The following VPS13B variants were observed in gnomAD, a reference collection of about 807,000 sequenced individuals.
The protein encoded by VPS13B is vacuolar protein sorting 13 homolog B.
Under a neutral mutation model 426.4 loss-of-function variants are expected in VPS13B, and 285 were observed. That is an observed-to-expected ratio of 0.67 (90% confidence interval 0.61 to 0.74). The LOEUF (loss-of-function observed/expected upper bound fraction) is 0.74. Ranked by LOEUF, VPS13B falls within the 30% of genes least tolerant of loss-of-function variation. The pLI, the probability that VPS13B is intolerant of heterozygous loss-of-function variation, is 0.00. For missense variants in VPS13B, 4,537 were observed against 4,782.6 expected (o/e 0.95, Z 1.51); for synonymous variants, 1,676 against 1,676.4 (o/e 1.00, Z 0.01).
At chr8:99,405,597 T>A (rs1052536825) in intron 21 of VPS13B, among the ~76,000 whole-genome samples, 3 of 152,280 alleles carry the variant, frequency 2.0e-5, no homozygotes, top group Admixed American at 1.3e-4. Context: ...AATTAGATCA[T>A]GTCTCTCCCT....
intron 17 of VPS13B, among the ~76,000 whole-genome samples, chr8:99,247,599 A>C (rs1276570395): frequency 3.5e-4 from 54 of 152,232 alleles, no homozygotes; most frequent in Admixed American, 3.5e-3. Context: ...GAGAAAACAG[A>C]CACAAAGTGT....
chr8:99,192,948 A>G lies in VPS13B; in HGVS notation c.2406A>G (p.Arg802=). ...CAAATCTCACAATTCAAGCTACAAG[A>G]GCACAGACACTTCTCTTGCAAGCAA... is the stretch of plus-strand genomic sequence containing the variant. ...ELPNLTIQAT[R]AQTLLLQAIY... Residue 802 remains arginine, a synonymous_variant, in exon 17 of 62, where the codon AGA becomes AGG. Transcript: ENST00000357162. 6.2e-7 allele frequency: 1 copy of G among 1,613,726 alleles called. No homozygotes were observed. The highest frequency in any genetic ancestry group is 8.5e-7 in the Non-Finnish European group (1 of 1,179,818).
chr8:99,722,754 G>T (rs1434618416), intron 39 of VPS13B, among the ~76,000 whole-genome samples: 1 of 152,064 alleles, frequency 6.6e-6, no homozygotes, highest in Non-Finnish European at 1.5e-5. Flanking sequence ...TGATCCACCT[G>T]CCTCGGCCTC....
chr8:99,237,914 A>C (rs989115941), intron 17 of VPS13B, among the ~76,000 whole-genome samples: 1 of 151,098 alleles, frequency 6.6e-6, no homozygotes, highest in African/African-American at 2.4e-5. Context: ...TCCTTCTGAA[A>C]CTCTTAATGG....
At chr8:99,317,291 C>T (rs561101424) in intron 19 of VPS13B, among the ~76,000 whole-genome samples, 36 of 152,192 alleles carry the variant, frequency 2.4e-4, no homozygotes, top group African/African-American at 8.2e-4. Context: ...TGTGATGTTT[C>T]AATACATGTA....
intron 16 of VPS13B, among the ~76,000 whole-genome samples, chr8:99,177,967 G>T (rs1469012601): frequency 6.6e-6 from 1 of 152,026 alleles, no homozygotes; most frequent in Admixed American, 6.5e-5. Flanking sequence ...CATTATTTTT[G>T]TGAGGGAGAG....
In VPS13B at chr8:99,444,394, G is replaced by A. The variant is rs957984214; in HGVS notation, c.3445+1759G>A. Among the ~76,000 whole-genome samples the A allele has an allele frequency of 2.0e-5, 3 of 152,308 alleles. No individual in the cohort carries two copies. In the South Asian group the frequency reaches 6.2e-4, roughly 32 times the overall value. Reference sequence around the variant, plus strand: ...TTACAGGCGTGAGCCACTGCGCCTGGCCAAATTAAAGTGTTTTTAAGAACT... The same window carrying A: ...TTACAGGCGTGAGCCACTGCGCCTGACCAAATTAAAGTGTTTTTAAGAACT... On this transcript the variant is annotated intron_variant, in intron 23 of 61. Coordinates refer to ENST00000357162, the MANE Select transcript of VPS13B (RefSeq NM_152564.5).
chr8:99,557,678 T>C (rs1824660508), intron 31 of VPS13B, among the ~76,000 whole-genome samples: 2 of 152,266 alleles, frequency 1.3e-5, no homozygotes, highest in South Asian at 2.1e-4. Flanking sequence ...GACTGCTGGA[T>C]TGAATGGTAG....
At chr8:99,852,165 T>C (rs1409586910) in intron 55 of VPS13B, among the ~76,000 whole-genome samples, 3 of 152,196 alleles carry the variant, frequency 2.0e-5, no homozygotes, top group Non-Finnish European at 4.4e-5. Flanking sequence ...TGCCATTAAC[T>C]AAGATGAGAG....
At chr8:99,527,803 G>T (rs1410911052) in intron 30 of VPS13B, 1 of 151,992 alleles carries the variant, frequency 6.6e-6, no homozygotes, top group Non-Finnish European at 1.5e-5. Context: ...TATAGCTTAA[G>T]CATATTAATA....
intron 3 of VPS13B, among the ~76,000 whole-genome samples, chr8:99,065,038 C>A (rs1844407236): frequency 6.6e-6 from 1 of 152,192 alleles, no homozygotes; most frequent in Non-Finnish European, 1.5e-5. Context: ...AAATAAAATA[C>A]TTTACAGACA....
intron 17 of VPS13B, among the ~76,000 whole-genome samples, chr8:99,254,087 TAAGAG>T (rs1250428791): frequency 6.6e-6 from 1 of 152,112 alleles, no homozygotes; most frequent in Non-Finnish European, 1.5e-5. Context: ...TTAGAAAACT[TAAGAG>T]GAGACAGAAA....
intron 30 of VPS13B, among the ~76,000 whole-genome samples, chr8:99,543,162 T>C (rs1163813887): frequency 6.6e-6 from 1 of 152,016 alleles, no homozygotes; most frequent in Non-Finnish European, 1.5e-5. Context: ...ACGCCGCAGA[T>C]CTACAACTAT....
At chr8:99,315,761 C>G (rs913963067) in intron 19 of VPS13B, among the ~76,000 whole-genome samples, 6 of 152,112 alleles carry the variant, frequency 3.9e-5, no homozygotes, top group Non-Finnish European at 7.4e-5. Context: ...CTCAGCCTCC[C>G]GAGTAGCTAG....
chr8:99,185,295 G>A (rs1260289209), intron 16 of VPS13B, among the ~76,000 whole-genome samples: 1 of 152,174 alleles, frequency 6.6e-6, no homozygotes, highest in Non-Finnish European at 1.5e-5. Flanking sequence ...GTTGTTACCT[G>A]TAGAGTGTGG....
intron 3 of VPS13B, among the ~76,000 whole-genome samples, chr8:99,056,739 G>T (rs1222328754): frequency 6.6e-6 from 1 of 152,134 alleles, no homozygotes; most frequent in Non-Finnish European, 1.5e-5. Context: ...GACTCTGTGA[G>T]GGTCATCCTT....
intron 36 of VPS13B, among the ~76,000 whole-genome samples, chr8:99,707,921 G>C (rs1832554346): frequency 6.6e-6 from 1 of 152,068 alleles, no homozygotes; most frequent in Non-Finnish European, 1.5e-5. Context: ...CATTTTCTAA[G>C]GCACTGCAGT....
intron 19 of VPS13B, among the ~76,000 whole-genome samples, chr8:99,317,508 A>G (rs945093418): frequency 9.9e-5 from 15 of 152,148 alleles, no homozygotes; most frequent in Non-Finnish European, 7.4e-5. Flanking sequence ...GTTTTCATAT[A>G]CATTTGTGTG....
chr8:99,235,134 A>G (rs1034090438), intron 17 of VPS13B, among the ~76,000 whole-genome samples: 3 of 152,196 alleles, frequency 2.0e-5, no homozygotes, highest in African/African-American at 4.8e-5. Context: ...AGTTGCTAGA[A>G]GTATCAGCAT....
Sources: allele counts gnomAD v4.1 joint callset (sites outside exome capture counted in the v4.1 genomes callset), GRCh38; gene constraint gnomAD v4.1.1; transcripts MANE v1.5; gene names NCBI Gene and HGNC (gene_info 2026-07-23, HGNC 2026-07-21).